The following ZNF729 variants were observed in gnomAD, a reference collection of about 807,000 sequenced individuals.
The protein encoded by ZNF729 is zinc finger protein 729.
A neutral mutation model predicts 12.2 loss-of-function variants in ZNF729; 15 were observed. The ratio of observed to expected loss-of-function variants is 1.23; its 90% CI spans 0.82 to 1.89. The LOEUF (loss-of-function observed/expected upper bound fraction) is 1.89, where lower values mean the gene tolerates loss of function less well. Among genes scored for constraint, ZNF729 ranks in the 40% most tolerant of loss-of-function variants. The pLI, the probability that ZNF729 is intolerant of heterozygous loss-of-function variation, is 0.00. For missense variants in ZNF729, 1,540 were observed against 1,456.7 expected (o/e 1.06, Z -0.93); for synonymous variants, 492 against 476.3 (o/e 1.03, Z -0.43).
chr19:22,316,733 T>C lies in ZNF729; in HGVS notation c.3316T>C (p.Cys1106Arg), dbSNP rs1448262735. Reference protein sequence around the residue: ...VIHTGKKPYQCDECGKAFNNS... With the variant: ...VIHTGKKPYQRDECGKAFNNS... Reference sequence around the variant, plus strand: ...TCATACTGGAAAGAAACCCTACCAATGTGACGAATGTGGCAAAGCTTTTAA... The same window carrying C: ...TCATACTGGAAAGAAACCCTACCAACGTGACGAATGTGGCAAAGCTTTTAA... Residue 1106 changes from cysteine to arginine, a missense_variant, in exon 4 of 4, where the codon TGT becomes CGT. By Grantham distance (180) the Cys-to-Arg change is radical. Transcript: ENST00000601693. 1 of 1,612,840 alleles carries C rather than the reference T, an allele frequency of 6.2e-7. No individual in the cohort carries two copies. Among genetic ancestry groups the C allele is most frequent in the Admixed American group, 1.7e-5 (1 of 59,950 alleles).
rs766707068 is a variant in ZNF729, at chr19:22,315,044, C to A, written c.1627C>A (p.Pro543Thr). 31 of 1,611,402 alleles carry A rather than the reference C, an allele frequency of 1.9e-5. No homozygotes were observed. The highest frequency in any genetic ancestry group is 2.5e-5 in the Non-Finnish European group (30 of 1,179,748). The change falls in exon 4 of 4, where the codon CCC becomes ACC. Residue 543 changes from proline to threonine, a missense_variant. Physicochemically the swap from Pro to Thr is conservative, Grantham distance 38. Transcript: ENST00000601693. ...NHQIIHTGEK[P>T]YKCEECGKAF... The stretch of plus-strand genomic sequence containing the variant: ...TCAGATAATTCATACTGGAGAGAAA[C>A]CCTACAAATGTGAAGAATGTGGTAA...
intron 1 of ZNF729, among the ~76,000 whole-genome samples, chr19:22,294,645 T>TTTTTC (rs1568571430): frequency 1.4e-5 from 2 of 144,176 alleles, no homozygotes; most frequent in East Asian, 2.0e-4. Flanking sequence ...CTTTTTTTTT[T>TTTTTC]TTTTTCTTTT....
intron 1 of ZNF729, among the ~76,000 whole-genome samples, chr19:22,288,058 C>T (rs1274761131): frequency 6.6e-6 from 1 of 152,166 alleles, no homozygotes; most frequent in East Asian, 1.9e-4. Context: ...GTTGGCCAGG[C>T]TGGTCTCGAA....
In ZNF729 at chr19:22,303,711, C is replaced by G. The variant is rs760935877; in HGVS notation, c.31-47C>G. The stretch of plus-strand genomic sequence containing the variant: ...TTGAGTCAAATTAAAAATTTCTGCC[C>G]ATGGCCACTTGGGAAATGTATATGT... On this transcript the variant is annotated intron_variant, in intron 1 of 3. Transcript: ENST00000601693. 4 of 1,483,624 alleles carry G rather than the reference C, an allele frequency of 2.7e-6. No homozygotes were observed. The African/African-American group carries it at 4.3e-5, about 16-fold the overall frequency. 91.9% of individuals were successfully genotyped at this position (1,483,624 alleles called of 1,614,324 possible).
At chr19:22,303,006 C>T (rs914543298) in intron 1 of ZNF729, among the ~76,000 whole-genome samples, 6 of 152,118 alleles carry the variant, frequency 3.9e-5, no homozygotes, top group African/African-American at 1.4e-4. Flanking sequence ...AGCTCCTGAC[C>T]TCAGATGATC....
Position 22,316,751 on chromosome 19 carries a change from G to C in ZNF729, c.3334G>C (p.Ala1112Pro), listed in dbSNP as rs1211711387. 5.6e-6 allele frequency: 9 copies of C among 1,612,838 alleles called. No individual in the cohort carries two copies. The highest frequency in any genetic ancestry group is 7.6e-6 in the Non-Finnish European group (9 of 1,179,762). ...KPYQCDECGKAFNNSSTLTKH... is the reference protein window; with the variant it reads ...KPYQCDECGKPFNNSSTLTKH... ...CTACCAATGTGACGAATGTGGCAAA[G>C]CTTTTAACAATTCCTCAACCCTTAC... The change falls in exon 4 of 4, where the codon GCT (alanine) becomes CCT (proline). Residue 1112 changes from alanine (A) to proline (P), a missense_variant. Transcript: ENST00000601693.
At chr19:22,294,951 C>T (rs1414722740) in intron 1 of ZNF729, among the ~76,000 whole-genome samples, 1 of 151,802 alleles carries the variant, frequency 6.6e-6, no homozygotes, top group African/African-American at 2.4e-5. Context: ...GCTACCGTGC[C>T]TGGCCGTCTG....
At position 22,314,113 on chromosome 19, in the gene ZNF729, A is replaced by G. The variant is rs550089222; in HGVS notation, c.696A>G (p.Glu232=). The change falls in exon 4 of 4, where the codon GAA becomes GAG. Residue 232 remains glutamate, a synonymous_variant. Transcript: ENST00000601693. The part of the protein sequence containing the change: ...TLTKHKIIHT[E]DKPYKYKKCG... ...CTAAACATAAGATAATTCATACTGA[A>G]GACAAACCTTACAAATATAAGAAAT... is the stretch of plus-strand genomic sequence containing the variant. 44 of 1,550,428 alleles carry G rather than the reference A, an allele frequency of 2.8e-5. No homozygotes were observed. In the East Asian group the frequency reaches 8.8e-4, roughly 31 times the overall value.
intron 3 of ZNF729, among the ~76,000 whole-genome samples, chr19:22,307,315 C>CA (rs1968390674): frequency 9.2e-6 from 1 of 108,246 alleles, no homozygotes; most frequent in African/African-American, 3.8e-5. Flanking sequence ...CACAATGTAG[C>CA]ATTTTTTTTT....
rs1314781835 is a variant in ZNF729 at position 22,286,573 on chromosome 19, G to C, written c.30+18G>C. 6.2e-7 allele frequency: 1 copy of C among 1,613,826 alleles called. No homozygotes were observed. Among genetic ancestry groups the C allele is most frequent in the East Asian group, 2.2e-5 (1 of 44,868 alleles). On this transcript the variant is annotated intron_variant, in intron 1 of 3. Transcript: ENST00000601693. ...TAGAAATGGTGAGAGTGCCGGGTCC[G>C]ACATCCCGAGAAGGGGAAGGGGCTG...
In ZNF729 at chr19:22,316,425, A is replaced by T; in HGVS notation, c.3008A>T (p.Asn1003Ile). The change falls in exon 4 of 4, where the codon AAT (asparagine) becomes ATT (isoleucine). Residue 1003 changes from asparagine (N) to isoleucine (I), a missense_variant. Transcript: ENST00000601693. ...GAAGAATGTGGCAAAGATTTTAACAATTCCTCAACCCTTAAGAAACATAAG... is the reference window on the plus strand; with the variant it reads ...GAAGAATGTGGCAAAGATTTTAACATTTCCTCAACCCTTAAGAAACATAAG... ...KCEECGKDFN[N>I]SSTLKKHKLI... 1 of 1,613,670 alleles carries T rather than the reference A, an allele frequency of 6.2e-7. No homozygotes were observed. Among genetic ancestry groups the T allele is most frequent in the Non-Finnish European group, 8.5e-7 (1 of 1,179,692 alleles).
At chr19:22,299,785 A>G (rs975860593) in intron 1 of ZNF729, 5 of 152,168 alleles carry the variant, frequency 3.3e-5, no homozygotes, top group Non-Finnish European at 5.9e-5. Context: ...TACTGTTCCA[A>G]TGTCCATTAA....
Position 22,303,550 on chromosome 19 carries a change from C to G in ZNF729, c.31-208C>G, listed in dbSNP as rs1382768948. 4.0e-5 allele frequency among the ~76,000 whole-genome samples: 6 copies of G among 151,262 alleles called. No individual in the cohort carries two copies. In the East Asian group the frequency reaches 1.2e-3, roughly 29 times the overall value. On this transcript the variant is annotated intron_variant, in intron 1 of 3. Coordinates refer to ENST00000601693, the MANE Select transcript of ZNF729 (RefSeq NM_001242680.2). ...AGGTATCTTATCTACACTGGTGTTG[C>G]GGATCTTATGCCATTCTTTTTTCTC... is the stretch of plus-strand genomic sequence containing the variant.
chr19:22,290,004 T>C (rs563580491), intron 1 of ZNF729, among the ~76,000 whole-genome samples: 1 of 152,330 alleles, frequency 6.6e-6, no homozygotes, highest in African/African-American at 2.4e-5. Context: ...TTCCCTTACA[T>C]GTACACTGTG....
intron 1 of ZNF729, 45 bp from the exon 2 acceptor site, chr19:22,303,713 T>C: frequency 6.7e-7 from 1 of 1,487,914 alleles, no homozygotes; most frequent in East Asian, 2.7e-5. Context: ...TTTCTGCCCA[T>C]GGCCACTTGG....
chr19:22,308,447 C>T (rs934741909), intron 3 of ZNF729, among the ~76,000 whole-genome samples: 4 of 152,180 alleles, frequency 2.6e-5, no homozygotes, highest in Non-Finnish European at 5.9e-5. Flanking sequence ...AATCTCCACA[C>T]TGTTCTCCAT....
Position 22,286,466 on chromosome 19 carries a change from C to T in ZNF729, c.-60C>T. The T allele has an allele frequency of 1.2e-6, 2 of 1,607,372 alleles. No homozygotes were observed. Among genetic ancestry groups the T allele is most frequent in the East Asian group, 4.5e-5 (2 of 44,736 alleles). On this transcript the variant is annotated 5_prime_UTR_variant, in exon 1 of 4. Coordinates refer to ENST00000601693, the MANE Select transcript of ZNF729 (RefSeq NM_001242680.2). ...GCAGTTCCCGGTCTCGCCTTCACTG[C>T]TGTGTGTCCTCAGCCTCTGTGGCCC...
intron 1 of ZNF729, among the ~76,000 whole-genome samples, chr19:22,288,899 ATGG>A (rs1968115956): frequency 6.6e-6 from 1 of 152,186 alleles, no homozygotes; most frequent in Non-Finnish European, 1.5e-5. Flanking sequence ...ATCCAGTGAG[ATGG>A]TGTAAGAACT....
At chr19:22,295,657 C>T (rs189387675) in intron 1 of ZNF729, among the ~76,000 whole-genome samples, 116 of 152,258 alleles carry the variant, frequency 7.6e-4, no homozygotes, top group Middle Eastern at 3.4e-3. Flanking sequence ...GTCTCGGCCT[C>T]CCAAAGTGCT....
Sources: gnomAD v4.1 joint callset for allele counts (sites outside exome capture counted in the v4.1 genomes callset) on GRCh38, gnomAD v4.1.1 for gene constraint, MANE v1.5 for transcripts, NCBI Gene and HGNC (gene_info 2026-07-23, HGNC 2026-07-21) for gene names.